The following NR1D1 variants were observed in gnomAD, a reference collection of about 807,000 sequenced individuals.
NR1D1 encodes the protein Rev-ErbAalpha.
In NR1D1, 17 loss-of-function variants were observed where a neutral mutation model predicts 51.1. The ratio of observed to expected loss-of-function variants is 0.33; its 90% confidence interval spans 0.23 to 0.50. The LOEUF (loss-of-function observed/expected upper bound fraction) is 0.50, where lower values mean the gene tolerates loss of function less well. NR1D1 is among the 20% of genes least tolerant of loss of function. The pLI is 0.98. For missense variants in NR1D1, 647 were observed against 830.4 expected (o/e 0.78, Z 2.71); for synonymous variants, 341 against 333.4 (o/e 1.02, Z -0.25).
Position 40,095,983 on chromosome 17 carries a change from G to C in NR1D1, c.709C>G (p.Leu237Val). 2 of 1,612,716 alleles carry C rather than the reference G, an allele frequency of 1.2e-6. No homozygotes were observed. Among genetic ancestry groups the C allele is most frequent in the Non-Finnish European group, 1.7e-6 (2 of 1,179,986 alleles). Residue 237 changes from leucine (L) to valine (V), a missense_variant, in exon 5 of 8, where the codon CTG (leucine) becomes GTG (valine). Physicochemically the swap from Leu to Val is conservative, Grantham distance 32. Around this residue, in one of 7 missense-constraint regions of NR1D1, gnomAD observed 48 missense variants for 42.9 expected, o/e 1.12. Transcript: ENST00000246672. ...GGGTGCTGGGTGGGTGAAGTCTCCA[G>C]CGGGCACTGGCTGCTCAACTGGTTG... ...ANNQLSSQCPLETSPTQHPTP... is the reference protein window; with the variant it reads ...ANNQLSSQCPVETSPTQHPTP...
At position 40,097,324 on chromosome 17, in the gene NR1D1, G is replaced by A; in HGVS notation, c.111C>T (p.Ser37=). 2 of 1,614,128 alleles carry A rather than the reference G, an allele frequency of 1.2e-6. No homozygotes were observed. Among genetic ancestry groups the A allele is most frequent in the East Asian group, 2.2e-5 (1 of 44,876 alleles). The part of the protein sequence containing the change: ...TSPESLYSDN[S]NGSFQSLTQG... Reference sequence around the variant, plus strand: ...GGGTCAGGGACTGGAAGCTGCCATTGGAGTTGTCACTATAGAGGGATTCAG... The same window carrying A: ...GGGTCAGGGACTGGAAGCTGCCATTAGAGTTGTCACTATAGAGGGATTCAG... The change falls in exon 2 of 8, where the codon TCC becomes TCT. Residue 37 remains serine, a synonymous_variant. Coordinates refer to ENST00000246672, the MANE Select transcript of NR1D1 (RefSeq NM_021724.5).
At chr17:40,095,398 G>GT in intron 5 of NR1D1, 46 bp downstream of exon 5, 2 of 1,508,762 alleles carry the variant, frequency 1.3e-6, no homozygotes, top group Non-Finnish European at 1.8e-6. Flanking sequence ...ATTCTGCCAG[G>GT]CCCCCCCAAT....
rs1319227956 is a variant in NR1D1 at position 40,096,433 on chromosome 17, G to C, written c.604+10C>G. On this transcript the variant is annotated intron_variant, in intron 4 of 7. Coordinates refer to ENST00000246672, the MANE Select transcript of NR1D1 (RefSeq NM_021724.5). ...GAAGAAGGGGGGAGGATGTGGGGAT[G>C]CTGCCTCACCGTCTCGAGACATGCC... 6.2e-7 allele frequency: 1 copy of C among 1,614,164 alleles called. No homozygotes were observed. The highest frequency in any genetic ancestry group is 2.2e-5 in the East Asian group (1 of 44,880).
chr17:40,099,905 G>A (rs568561670), intron 1 of NR1D1, among the ~76,000 whole-genome samples, 159 bp downstream of exon 1: 16 of 152,216 alleles, frequency 1.1e-4, no homozygotes, highest in Non-Finnish European at 1.0e-4. Flanking sequence ...GCCCGAACAA[G>A]CCGCTCTGGA....
chr17:40,096,538 A>C lies in NR1D1; in HGVS notation c.509T>G (p.Leu170Arg). Residue 170 changes from leucine (L) to arginine (R), a missense_variant, in exon 4 of 8, where the codon CTG becomes CGG. Physicochemically the swap from Leu to Arg is moderately radical, Grantham distance 102 (BLOSUM62 -2). Coordinates refer to ENST00000246672, the MANE Select transcript of NR1D1 (RefSeq NM_021724.5). ...IQQNIQYKRC[L>R]KNENCSIVRI... ...GACGATGGAGCAATTCTCATTCTTC[A>C]GACACCTTTTGTACTGGATGTTCTG... is the stretch of plus-strand genomic sequence containing the variant. 1 of 1,614,196 alleles carries C rather than the reference A, an allele frequency of 6.2e-7. No individual in the cohort carries two copies. The highest frequency in any genetic ancestry group is 8.5e-7 in the Non-Finnish European group (1 of 1,180,036).
Position 40,093,814 on chromosome 17 carries a change from C to T in NR1D1, c.1645+98G>A, listed in dbSNP as rs897783970. 4.4e-5 allele frequency: 47 copies of T among 1,068,428 alleles called. No individual in the cohort carries two copies. The highest frequency in any genetic ancestry group is 3.7e-4 in the African/African-American group (24 of 64,086). 66.2% of individuals were successfully genotyped at this position (1,068,428 alleles called of 1,614,324 possible). On this transcript the variant is annotated intron_variant, in intron 7 of 7. Coordinates refer to ENST00000246672, the MANE Select transcript of NR1D1 (RefSeq NM_021724.5). This position sits in a 1 kb window ranked among gnomAD's most constrained non-coding sequence, Gnocchi z 5.9. ...GAATCATGTCTGTATCCCCAGTGCCCGGTGCAGGGCCTGGCATAGAGTAGG... is the reference window on the plus strand; with the variant it reads ...GAATCATGTCTGTATCCCCAGTGCCTGGTGCAGGGCCTGGCATAGAGTAGG...
Position 40,093,785 on chromosome 17 carries a change from G to A in NR1D1, c.1645+127C>T, listed in dbSNP as rs2145098070. 3.7e-6 allele frequency: 3 copies of A among 801,234 alleles called. No individual in the cohort carries two copies. Among genetic ancestry groups the A allele is most frequent in the African/African-American group, 3.4e-5 (2 of 58,274 alleles). The allele number at this position is 801,234 out of a possible 1,614,324, so 49.6% of individuals were successfully genotyped here. A position where few individuals can be genotyped will look rare whatever the true frequency, so the allele number is the denominator to read the frequency against. On this transcript the variant is annotated intron_variant, in intron 7 of 7. Transcript: ENST00000246672. This position sits in a 1 kb window ranked among gnomAD's most constrained non-coding sequence, Gnocchi z 5.9. Reference sequence around the variant, plus strand: ...GAGTCTGTTTCCCAAGCTAGACTGTGTCTGAATCATGTCTGTATCCCCAGT... The same window carrying A: ...GAGTCTGTTTCCCAAGCTAGACTGTATCTGAATCATGTCTGTATCCCCAGT...
chr17:40,093,577 T>C lies in NR1D1; in HGVS notation c.1646-295A>G. On this transcript the variant is annotated intron_variant, in intron 7 of 7. Transcript: ENST00000246672. This position sits in a 1 kb window ranked among gnomAD's most constrained non-coding sequence, Gnocchi z 5.9. ...ACTCCCTTGCTTTTTGCTGTGTAGT[T>C]CCCTCTGCCTGGGATGCCCTTCCCC... is the stretch of plus-strand genomic sequence containing the variant. 1.1e-6 allele frequency: 1 copy of C among 883,120 alleles called. No homozygotes were observed. The highest frequency in any genetic ancestry group is 1.7e-6 in the Non-Finnish European group (1 of 595,492). The allele number at this position is 883,120 out of a possible 1,614,324, so 54.7% of individuals were successfully genotyped here.
rs1302272302 is a variant in NR1D1 at position 40,093,570 on chromosome 17, G to C, written c.1646-288C>G. 1 of 946,796 alleles carries C rather than the reference G, an allele frequency of 1.1e-6. No homozygotes were observed. Among genetic ancestry groups the C allele is most frequent in the African/African-American group, 1.7e-5 (1 of 60,130 alleles). 58.6% of individuals were successfully genotyped at this position (946,796 alleles called of 1,614,324 possible). ...TGGCCAGACTCCCTTGCTTTTTGCT[G>C]TGTAGTTCCCTCTGCCTGGGATGCC... On this transcript the variant is annotated intron_variant, in intron 7 of 7. Coordinates refer to ENST00000246672, the MANE Select transcript of NR1D1 (RefSeq NM_021724.5). This position sits in a 1 kb window ranked among gnomAD's most constrained non-coding sequence, Gnocchi z 5.9.
At position 40,097,157 on chromosome 17, in the gene NR1D1, G is replaced by C; in HGVS notation, c.278C>G (p.Ser93Cys). 1.2e-6 allele frequency: 2 copies of C among 1,610,868 alleles called. No homozygotes were observed. The highest frequency in any genetic ancestry group is 1.7e-6 in the Non-Finnish European group (2 of 1,178,072). ...SSSSSSSSSSSFYNGSPPGSL... is the reference protein window; with the variant it reads ...SSSSSSSSSSCFYNGSPPGSL... Reference sequence around the variant, plus strand: ...CCCAGGGGGGCTCCCATTATAGAAGGAGGAGGAGGATGACGACGAGGAAGA... The same window carrying C: ...CCCAGGGGGGCTCCCATTATAGAAGCAGGAGGAGGATGACGACGAGGAAGA... The change falls in exon 2 of 8, where the codon TCC (serine) becomes TGC (cysteine). Residue 93 changes from serine to cysteine, a missense_variant. Transcript: ENST00000246672.
chr17:40,098,944 T>C (rs997422102), intron 1 of NR1D1, among the ~76,000 whole-genome samples: 4 of 151,768 alleles, frequency 2.6e-5, no homozygotes, highest in Non-Finnish European at 4.4e-5. Context: ...GAGGTCTCTT[T>C]AGGGAGTGTA....
At position 40,093,509 on chromosome 17, in the gene NR1D1, C is replaced by G. The variant is rs905732288; in HGVS notation, c.1646-227G>C. The G allele has an allele frequency of 1.3e-5, 18 of 1,386,292 alleles. No individual in the cohort carries two copies. Among genetic ancestry groups the G allele is most frequent in the Non-Finnish European group, 1.7e-5 (18 of 1,042,564 alleles). The allele number at this position is 1,386,292 out of a possible 1,614,324, so 85.9% of individuals were successfully genotyped here. On this transcript the variant is annotated intron_variant, in intron 7 of 7. Coordinates refer to ENST00000246672, the MANE Select transcript of NR1D1 (RefSeq NM_021724.5). The surrounding 1 kb of genome is among the most constrained non-coding windows in gnomAD (Gnocchi z 5.9). Reference sequence around the variant, plus strand: ...CAGCAGGGCTGGTCACCTCCCATCCCGTAAGACCACCTTCCCTTCCTCAGC... The same window carrying G: ...CAGCAGGGCTGGTCACCTCCCATCCGGTAAGACCACCTTCCCTTCCTCAGC...
rs1030724668 is a variant in NR1D1, at chr17:40,093,001, T to G, written c.*82A>C. 6 of 1,600,586 alleles carry G rather than the reference T, an allele frequency of 3.7e-6. No homozygotes were observed. The highest frequency in any genetic ancestry group is 5.1e-6 in the Non-Finnish European group (6 of 1,169,966). ...TATAAATAAGATTCTGGTTTGCTTT[T>G]CCTTTTCGTCTCGTAAAGGAGAGAG... On this transcript the variant is annotated 3_prime_UTR_variant, in exon 8 of 8. Coordinates refer to ENST00000246672, the MANE Select transcript of NR1D1 (RefSeq NM_021724.5). This position sits in a 1 kb window ranked among gnomAD's most constrained non-coding sequence, Gnocchi z 5.9.
intron 5 of NR1D1, 22 bp from the exon 6 acceptor site, chr17:40,095,142 G>T: frequency 1.2e-6 from 2 of 1,603,452 alleles, no homozygotes; most frequent in Non-Finnish European, 1.7e-6. Context: ...AAAGATTGAA[G>T]GAGGGGAGTG....
At position 40,095,630 on chromosome 17, in the gene NR1D1, G is replaced by A. The variant is rs61736536; in HGVS notation, c.1062C>T (p.Ala354=). The A allele has an allele frequency of 1.4e-3, 2,260 of 1,612,150 alleles. 33 individuals are homozygous for A. The African/African-American group carries it at 0.026, about 18-fold the overall frequency. The change falls in exon 5 of 8, where the codon GCC becomes GCT. Residue 354 remains alanine, a synonymous_variant. Transcript: ENST00000246672. ...NTLAAQRHNE[A]LNGLRQAPSS... is the part of the protein sequence containing the mutation. ...AGGGAGCCTGGCGCAGACCATTTAG[G>A]GCCTCGTTATGACGCTGGGCAGCCA...
chr17:40,097,428 G>A (rs760805211), intron 1 of NR1D1, 25 bp from the exon 2 acceptor site: 1 of 1,564,598 alleles, frequency 6.4e-7, no homozygotes, highest in South Asian at 1.2e-5. Flanking sequence ...AAAGGAAAGG[G>A]GGTGTCAGCC....
Position 40,100,544 on chromosome 17 carries a change from G to A in NR1D1, c.-450C>T, listed in dbSNP as rs980824426. On this transcript the variant is annotated 5_prime_UTR_variant, in exon 1 of 8. Transcript: ENST00000246672. ...ACGGGGCACCGAGTCGCAAAGAGGC[G>A]AGACGTGTGCCCTGCTACGTTCCCT... is the stretch of plus-strand genomic sequence containing the variant. 1.3e-5 allele frequency: 6 copies of A among 446,668 alleles called. No homozygotes were observed. Among genetic ancestry groups the A allele is most frequent in the Non-Finnish European group, 2.4e-5 (6 of 252,668 alleles). The allele number at this position is 446,668 out of a possible 1,614,324, so 27.7% of individuals were successfully genotyped here.
chr17:40,093,644 C>G lies in NR1D1; in HGVS notation c.1645+268G>C. 1.5e-6 allele frequency: 1 copy of G among 661,610 alleles called. No individual in the cohort carries two copies. The highest frequency in any genetic ancestry group is 2.5e-6 in the Non-Finnish European group (1 of 394,406). The allele number at this position is 661,610 out of a possible 1,614,324, so 41.0% of individuals were successfully genotyped here. A position where few individuals can be genotyped will look rare whatever the true frequency, so the allele number is the denominator to read the frequency against. ...ACATCTTACTTGTCCTTTGAGGCCC[C>G]AACTCAAGTGTCACCTCCTTCCCCA... On this transcript the variant is annotated intron_variant, in intron 7 of 7. Coordinates refer to ENST00000246672, the MANE Select transcript of NR1D1 (RefSeq NM_021724.5). The surrounding 1 kb of genome is among the most constrained non-coding windows in gnomAD (Gnocchi z 5.9).
chr17:40,097,952 G>A (rs1666278244), intron 1 of NR1D1, among the ~76,000 whole-genome samples: 1 of 152,178 alleles, frequency 6.6e-6, no homozygotes. Context: ...AGGAAATGAA[G>A]GGAAGGAATC....
Sources: allele counts gnomAD v4.1 joint callset (sites outside exome capture counted in the v4.1 genomes callset), GRCh38; gene constraint gnomAD v4.1.1; regional missense constraint gnomAD v4.1.1; non-coding constraint Gnocchi (gnomAD v3.1); transcripts MANE v1.5; gene names NCBI Gene and HGNC (gene_info 2026-07-23, HGNC 2026-07-21).